Variants in EDN3 observed in about 807,000 individuals in gnomAD.
The protein encoded by EDN3 is endothelin 3, also known as endothelin-3.
EDN3 carries 9 observed loss-of-function variants against 21.4 expected under a neutral mutation model. That is an observed-to-expected ratio of 0.42 (90% confidence interval 0.25 to 0.73). The LOEUF (loss-of-function observed/expected upper bound fraction) is 0.73, where lower values mean the gene tolerates loss of function less well. Among genes scored for constraint, EDN3 ranks in the 30% least tolerant of loss-of-function variants. The pLI is 0.26. For missense variants in EDN3, 327 were observed against 309.4 expected (o/e 1.06, Z -0.43); for synonymous variants, 133 against 126.2 (o/e 1.05, Z -0.36).
At chr20:59,307,581 G>A (rs1015090421) in intron 2 of EDN3, among the ~76,000 whole-genome samples, 46 of 152,174 alleles carry the variant, frequency 3.0e-4, no homozygotes, top group African/African-American at 1.1e-3. Flanking sequence ...CATTTAATAT[G>A]TTTTCCCAGA....
chr20:59,313,871 C>T (rs1990001939), intron 2 of EDN3, among the ~76,000 whole-genome samples: 1 of 152,210 alleles, frequency 6.6e-6, no homozygotes, highest in Middle Eastern at 3.2e-3. Flanking sequence ...TGTTTCCTGG[C>T]CTATTTTCTT....
intron 2 of EDN3, among the ~76,000 whole-genome samples, chr20:59,306,376 G>T (rs879305788): frequency 1.3e-5 from 2 of 152,106 alleles, no homozygotes; most frequent in Non-Finnish European, 2.9e-5. Flanking sequence ...CTTGAGCCAG[G>T]AGGTGCTGTT....
chr20:59,320,493 A>G lies in EDN3; in HGVS notation c.366-524A>G, dbSNP rs113158373. Among the ~76,000 whole-genome samples, 14 of 152,336 alleles carry G rather than the reference A, an allele frequency of 9.2e-5. 2 individuals carry two copies. The highest frequency in any genetic ancestry group is 3.4e-4 in the African/African-American group (14 of 41,584). ...AAGAAAAGCCTCTGGAACAGGTGCT[A>G]TGGTTGTCTTTAATTCTTTCTCGGC... On this transcript the variant is annotated intron_variant, in intron 2 of 4. Transcript: ENST00000337938.
In EDN3 at chr20:59,324,605, C is replaced by CG; in HGVS notation, c.*146_*147insG. 5 of 1,104,232 alleles carry CG rather than the reference C, an allele frequency of 4.5e-6. No homozygotes were observed. Among genetic ancestry groups the CG allele is most frequent in the Non-Finnish European group, 5.3e-6 (4 of 761,466 alleles). 68.4% of individuals were successfully genotyped at this position (1,104,232 alleles called of 1,614,324 possible). On this transcript the variant is annotated 3_prime_UTR_variant, in exon 5 of 5. Transcript: ENST00000337938. ...GAGTCCCCACTTAACAATACCCCCCCCCCACGGCAAGAATGCCCAAATCCG... is the reference window on the plus strand; with the variant it reads ...GAGTCCCCACTTAACAATACCCCCCCGCCCACGGCAAGAATGCCCAAATCCG...
At chr20:59,317,131 C>T (rs1990235451) in intron 2 of EDN3, among the ~76,000 whole-genome samples, 1 of 152,216 alleles carries the variant, frequency 6.6e-6, no homozygotes, top group Admixed American at 6.5e-5. Flanking sequence ...TTCCTGTTCA[C>T]TACTCAGTAA....
intron 2 of EDN3, 36 bp downstream of exon 2, chr20:59,301,758 C>T (rs1372494350): frequency 2.5e-6 from 4 of 1,607,806 alleles, no homozygotes; most frequent in Non-Finnish European, 3.4e-6. Context: ...ACGTGGCTCC[C>T]GGACCAGGCC....
chr20:59,321,386 T>A (rs1207306681), intron 3 of EDN3, among the ~76,000 whole-genome samples, 193 bp downstream of exon 3: 1 of 152,204 alleles, frequency 6.6e-6, no homozygotes, highest in Non-Finnish European at 1.5e-5. Context: ...GGGCAGGAGA[T>A]GCAGCGTCCC....
intron 2 of EDN3, among the ~76,000 whole-genome samples, chr20:59,312,699 G>T (rs1989911220): frequency 1.3e-5 from 2 of 152,192 alleles, no homozygotes; most frequent in African/African-American, 4.8e-5. Context: ...TTTGAGTTTG[G>T]TGTTAGCGCT....
chr20:59,319,697 G>T (rs1458467624), intron 2 of EDN3, among the ~76,000 whole-genome samples: 1 of 144,736 alleles, frequency 6.9e-6, no homozygotes, highest in East Asian at 2.0e-4. Context: ...TTGCACTCCA[G>T]CCTGGGCGAC....
At chr20:59,302,347 GTCACAGAGGGCCT>G (rs1989108712) in intron 2 of EDN3, among the ~76,000 whole-genome samples, 2 of 152,130 alleles carry the variant, frequency 1.3e-5, no homozygotes, top group Non-Finnish European at 2.9e-5. Flanking sequence ...CACTGCCATG[GTCACAGAGGGCCT>G]TCCCTTCTCT....
At chr20:59,309,159 T>G (rs1487401351) in intron 2 of EDN3, among the ~76,000 whole-genome samples, 1 of 152,152 alleles carries the variant, frequency 6.6e-6, no homozygotes, top group Non-Finnish European at 1.5e-5. Flanking sequence ...GGCATGGCGC[T>G]CTTTGCGGGC....
At chr20:59,306,595 T>TAAAAAAAAAAAAAAAAAAAAAA (rs57144708) in intron 2 of EDN3, among the ~76,000 whole-genome samples, 12 of 62,450 alleles carry the variant, frequency 1.9e-4, no homozygotes, top group East Asian at 1.1e-3. Flanking sequence ...GCATAAAGAG[T>TAAAAAAAAAAAAAAAAAAAAAA]AAAAAAAAAA....
intron 4 of EDN3, 73 bp from the exon 5 acceptor site, chr20:59,324,258 C>T (rs1459559969): frequency 1.3e-6 from 2 of 1,598,038 alleles, no homozygotes; most frequent in East Asian, 4.5e-5. Context: ...TTTTCAGCTT[C>T]ACAGAACTAC....
chr20:59,314,253 T>G (rs1990032578), intron 2 of EDN3, among the ~76,000 whole-genome samples: 1 of 152,156 alleles, frequency 6.6e-6, no homozygotes, highest in Non-Finnish European at 1.5e-5. Flanking sequence ...GTTGTCGCAG[T>G]GAAGAAAATT....
In EDN3 at chr20:59,321,045, T is replaced by C. The variant is rs1355735817; in HGVS notation, c.394T>C (p.Tyr132His). ...EQTVPYGLSNYRGSFRGKRSA... is the reference protein window; with the variant it reads ...EQTVPYGLSNHRGSFRGKRSA... Reference sequence around the variant, plus strand: ...GACGGTGCCCTATGGACTGTCCAACTACAGAGGAAGCTTCCGGGGCAAGAG... The same window carrying C: ...GACGGTGCCCTATGGACTGTCCAACCACAGAGGAAGCTTCCGGGGCAAGAG... The change falls in exon 3 of 5, where the codon TAC becomes CAC. Residue 132 changes from tyrosine (Y) to histidine (H), a missense_variant. Tyr to His is a moderately conservative substitution (Grantham distance 83, BLOSUM62 2). Coordinates refer to ENST00000337938, the MANE Select transcript of EDN3 (RefSeq NM_207034.3). 5 of 1,614,080 alleles carry C rather than the reference T, an allele frequency of 3.1e-6. No homozygotes were observed. The highest frequency in any genetic ancestry group is 1.3e-5 in the African/African-American group (1 of 74,924).
At position 59,300,822 on chromosome 20, in the gene EDN3, G is replaced by A. The variant is rs567434377; in HGVS notation, c.10G>A (p.Gly4Arg). Residue 4 changes from glycine to arginine, a missense_variant, in exon 1 of 5, where the codon GGG becomes AGG. Coordinates refer to ENST00000337938, the MANE Select transcript of EDN3 (RefSeq NM_207034.3). MEP[G>R]LWLLFGLTVT... is the part of the protein sequence containing the mutation. Reference sequence around the variant, plus strand: ...CGCCTGATCTAGGTTCATGGAGCCGGGGCTGTGGCTCCTTTTCGGGCTCAC... The same window carrying A: ...CGCCTGATCTAGGTTCATGGAGCCGAGGCTGTGGCTCCTTTTCGGGCTCAC... 6.2e-7 allele frequency: 1 copy of A among 1,611,250 alleles called. No homozygotes were observed. Among genetic ancestry groups the A allele is most frequent in the East Asian group, 2.2e-5 (1 of 44,850 alleles).
chr20:59,306,560 T>C (rs1989423756), intron 2 of EDN3, among the ~76,000 whole-genome samples: 1 of 147,532 alleles, frequency 6.8e-6, no homozygotes, highest in South Asian at 2.1e-4. Flanking sequence ...ATGCCATTTC[T>C]TTTGAGTTTT....
chr20:59,310,301 G>A (rs1989712079), intron 2 of EDN3, among the ~76,000 whole-genome samples: 1 of 152,204 alleles, frequency 6.6e-6, no homozygotes, highest in Non-Finnish European at 1.5e-5. Flanking sequence ...TTGAAACAGA[G>A]TTCCTCAAAA....
Position 59,324,439 on chromosome 20 carries a change from T to C in EDN3, c.697T>C (p.Phe233Leu), listed in dbSNP as rs549116987. The change falls in exon 5 of 5, where the codon TTT becomes CTT. Residue 233 changes from phenylalanine (F) to leucine (L), a missense_variant. Phe to Leu is a conservative substitution (Grantham distance 22). Coordinates refer to ENST00000337938, the MANE Select transcript of EDN3 (RefSeq NM_207034.3). ...TCCATCTACCTGCCCCCGCTGCCTC[T>C]TTCAGGAAGGAGCCCCTTAGGAGGA... is the stretch of plus-strand genomic sequence containing the variant. ...LAPSTCPRCLFQEGAP is the reference protein window; with the variant it reads ...LAPSTCPRCLLQEGAP 3 of 1,614,042 alleles carry C rather than the reference T, an allele frequency of 1.9e-6. No homozygotes were observed. Among genetic ancestry groups the C allele is most frequent in the East Asian group, 2.2e-5 (1 of 44,876 alleles).
Sources: gnomAD v4.1 joint callset for allele counts (sites outside exome capture counted in the v4.1 genomes callset) on GRCh38, gnomAD v4.1.1 for gene constraint, MANE v1.5 for transcripts, NCBI Gene and HGNC (gene_info 2026-07-23, HGNC 2026-07-21) for gene names.